STPG1: variants seen among roughly 807,000 people sequenced by gnomAD.
The protein encoded by STPG1 is O(6)-methylguanine-induced apoptosis 2.
A neutral mutation model predicts 40.1 loss-of-function variants in STPG1; 33 were observed. That is an observed-to-expected ratio of 0.82 (90% CI 0.62 to 1.10). STPG1 has a LOEUF of 1.10. Ranked by LOEUF, STPG1 falls within the 50% of genes least tolerant of loss-of-function variation. The pLI is 0.00. For missense variants in STPG1, 396 were observed against 415.1 expected (o/e 0.95, Z 0.40); for synonymous variants, 150 against 155.0 (o/e 0.97, Z 0.24).
rs1055224353 is a variant in STPG1 at position 24,399,091 on chromosome 1, TAAAAATA to T, written c.70+2221_70+2227del. Among the ~76,000 whole-genome samples the T allele has an allele frequency of 1.3e-5, 2 of 152,014 alleles. No homozygotes were observed. The highest frequency in any genetic ancestry group is 4.8e-5 in the African/African-American group (2 of 41,402). On this transcript the variant is annotated intron_variant, in intron 2 of 8. Coordinates refer to ENST00000337248, the MANE Select transcript of STPG1 (RefSeq NM_001199013.2). The surrounding 1 kb of genome is among the most constrained non-coding windows in gnomAD (Gnocchi z 4.0). The stretch of plus-strand genomic sequence containing the variant: ...ACAACTATTATGTATCCATAAAAAT[TAAAAATA>T]AAAAAGTAAAATAAATTTATATGGA...
intron 5 of STPG1, among the ~76,000 whole-genome samples, chr1:24,378,128 C>T (rs775916665): frequency 2.6e-5 from 4 of 151,310 alleles, no homozygotes; most frequent in Non-Finnish European, 4.4e-5. Context: ...GCCCTGGAAA[C>T]GTGGCTGGCC....
chr1:24,387,336 G>A (rs1557450473), intron 3 of STPG1, among the ~76,000 whole-genome samples: 2 of 152,170 alleles, frequency 1.3e-5, no homozygotes, highest in Admixed American at 6.5e-5. Flanking sequence ...GCAGATTTGA[G>A]TTGGGGGCAT....
intron 6 of STPG1, among the ~76,000 whole-genome samples, chr1:24,370,980 A>G (rs901608041): frequency 2.6e-5 from 4 of 151,994 alleles, no homozygotes; most frequent in African/African-American, 9.7e-5. Context: ...CAAAGCCCAC[A>G]CTTCCCCACC....
chr1:24,364,444 G>A (rs1641325125), intron 7 of STPG1: 6 of 1,444,934 alleles, frequency 4.2e-6, no homozygotes, highest in Non-Finnish European at 5.5e-6. Flanking sequence ...AGAGTATGTG[G>A]CCCCTGAATA....
chr1:24,409,378 C>T (rs34404530), intron 1 of STPG1, among the ~76,000 whole-genome samples: 16,842 of 152,060 alleles, frequency 0.11, 973 homozygotes, highest in African/African-American at 0.13. Context: ...ACCAAAGCAG[C>T]CACTATTCAT....
chr1:24,379,020 C>G (rs1268015304), intron 5 of STPG1, among the ~76,000 whole-genome samples: 1 of 152,214 alleles, frequency 6.6e-6, no homozygotes, highest in African/African-American at 2.4e-5. Context: ...TACATTATCT[C>G]ATTTAATATT....
intron 3 of STPG1, 72 bp downstream of exon 3, chr1:24,391,489 G>T: frequency 1.0e-6 from 1 of 972,388 alleles, no homozygotes; most frequent in Non-Finnish European, 1.6e-6. Flanking sequence ...ACAGCAGCCA[G>T]ACAGAACGTG....
In STPG1 at chr1:24,359,049, A is replaced by G. The variant is rs1475187168; in HGVS notation, c.929-430T>C. 6.6e-6 allele frequency among the ~76,000 whole-genome samples: 1 copy of G among 152,180 alleles called. No individual in the cohort carries two copies. Among genetic ancestry groups the G allele is most frequent in the East Asian group, 1.9e-4 (1 of 5,182 alleles). ...AGCAGGGCTTGGGAACTGTAGCCCC[A>G]GGTGACCAGAAACTCATGTTGATAC... On this transcript the variant is annotated intron_variant, in intron 8 of 8. Coordinates refer to ENST00000337248, the MANE Select transcript of STPG1 (RefSeq NM_001199013.2). The surrounding 1 kb of genome is among the most constrained non-coding windows in gnomAD (Gnocchi z 5.3).
Position 24,358,560 on chromosome 1 carries a change from A to G in STPG1, c.988T>C (p.Trp330Arg), listed in dbSNP as rs146480764. Residue 330 changes from tryptophan (W) to arginine (R), a missense_variant, in exon 9 of 9, where the codon TGG becomes CGG. Coordinates refer to ENST00000337248, the MANE Select transcript of STPG1 (RefSeq NM_001199013.2). ...QSFLYNEDKKWIPVL is the reference protein window; with the variant it reads ...QSFLYNEDKKRIPVL ...TGACATCCCTACAGAACCGGGATCC[A>G]TTTCTTGTCCTCGTTGTAGAGGAAG... The G allele has an allele frequency of 8.1e-6, 13 of 1,613,860 alleles. No individual in the cohort carries two copies. The highest frequency in any genetic ancestry group is 1.6e-4 in the Middle Eastern group (1 of 6,084).
Position 24,357,869 on chromosome 1 carries a change from GA to G in STPG1, c.*673del. ...AGTCCCGCCAGCAGAGAAAGTCAGG[GA>G]AAAGCGCAGCCCCCGGGCCCGGCCA... is the stretch of plus-strand genomic sequence containing the variant. On this transcript the variant is annotated 3_prime_UTR_variant, in exon 9 of 9. Coordinates refer to ENST00000337248, the MANE Select transcript of STPG1 (RefSeq NM_001199013.2). 1 of 308,534 alleles carries G rather than the reference GA, an allele frequency of 3.2e-6. No homozygotes were observed. Among genetic ancestry groups the G allele is most frequent in the Non-Finnish European group, 6.4e-6 (1 of 157,082 alleles). The allele number at this position is 308,534 out of a possible 1,614,324, so 19.1% of individuals were successfully genotyped here. A position where few individuals can be genotyped will look rare whatever the true frequency, so the allele number is the denominator to read the frequency against.
At chr1:24,392,182 TTC>T in intron 2 of STPG1, 1 of 618,422 alleles carries the variant, frequency 1.6e-6, no homozygotes, top group Non-Finnish European at 2.0e-6. Flanking sequence ...AAGTTTTCGT[TTC>T]TGTTTTGAGC....
intron 7 of STPG1, among the ~76,000 whole-genome samples, chr1:24,368,437 C>G (rs1475981634): frequency 6.6e-6 from 1 of 152,192 alleles, no homozygotes; most frequent in East Asian, 1.9e-4. Flanking sequence ...CCAGCCCTCC[C>G]AGTGGCCAGC....
intron 2 of STPG1, chr1:24,391,950 G>A (rs1642791599): frequency 8.8e-7 from 1 of 1,138,408 alleles, no homozygotes. Flanking sequence ...CGGAGAAAAG[G>A]AAGGAGATGA....
At position 24,368,494 on chromosome 1, in the gene STPG1, G is replaced by A. The variant is rs1294611753; in HGVS notation, c.737+1180C>T. 2.0e-5 allele frequency among the ~76,000 whole-genome samples: 3 copies of A among 152,294 alleles called. No individual in the cohort carries two copies. The East Asian group carries it at 5.8e-4, about 29-fold the overall frequency. On this transcript the variant is annotated intron_variant, in intron 7 of 8. Coordinates refer to ENST00000337248, the MANE Select transcript of STPG1 (RefSeq NM_001199013.2). ...TGGGTGAGAGCTGAGATGGTAACAG[G>A]AGGACTAACCCTAACTGCAGTTAGT... is the stretch of plus-strand genomic sequence containing the variant.
chr1:24,408,823 T>C (rs1236227831), intron 1 of STPG1, among the ~76,000 whole-genome samples: 1 of 152,234 alleles, frequency 6.6e-6, no homozygotes, highest in Admixed American at 6.5e-5. Flanking sequence ...GAGTAAAGGA[T>C]TGAATAAATG....
chr1:24,401,245 C>T (rs1643213899), intron 2 of STPG1, 74 bp downstream of exon 2: 2 of 1,330,754 alleles, frequency 1.5e-6, no homozygotes, highest in African/African-American at 1.4e-5. Flanking sequence ...CTTACTATTC[C>T]CCCCAAATTT....
intron 1 of STPG1, among the ~76,000 whole-genome samples, chr1:24,403,740 A>G (rs1195504066): frequency 6.6e-6 from 1 of 152,094 alleles, no homozygotes; most frequent in African/African-American, 2.4e-5. Context: ...AAATTTTTTA[A>G]ATTTCTCATT....
At chr1:24,391,854 C>T in intron 2 of STPG1, 175 bp from the exon 3 acceptor site, 17 of 1,328,186 alleles carry the variant, frequency 1.3e-5, no homozygotes, top group Non-Finnish European at 1.6e-5. Flanking sequence ...CACTTTCTTT[C>T]CCTCTCGGCA....
At chr1:24,393,407 A>G (rs1330998034) in intron 2 of STPG1, among the ~76,000 whole-genome samples, 1 of 152,256 alleles carries the variant, frequency 6.6e-6, no homozygotes, top group Non-Finnish European at 1.5e-5. Context: ...TAAGAGAGCT[A>G]TACAGCAAAT....
Sources: gnomAD v4.1 joint callset for allele counts (sites outside exome capture counted in the v4.1 genomes callset) on GRCh38, gnomAD v4.1.1 for gene constraint, Gnocchi (gnomAD v3.1) non-coding constraint, MANE v1.5 for transcripts, NCBI Gene and HGNC (gene_info 2026-07-23, HGNC 2026-07-21) for gene names.